IQCM: variants seen among roughly 807,000 people sequenced by gnomAD.
IQCM encodes the protein IQ motif containing M.
A neutral mutation model predicts 57.6 loss-of-function variants in IQCM; 45 were observed. That is an observed-to-expected ratio of 0.78 (90% CI 0.62 to 1.00). The LOEUF (loss-of-function observed/expected upper bound fraction) is 1.00. IQCM is among the 50% of genes least tolerant of loss of function. IQCM has a pLI of 0.00. For missense variants in IQCM, 468 were observed against 511.6 expected (o/e 0.91, Z 0.82); for synonymous variants, 148 against 158.9 (o/e 0.93, Z 0.51).
intron 2 of IQCM, among the ~76,000 whole-genome samples, chr4:149,755,321 A>T (rs1012156835): frequency 1.3e-5 from 2 of 152,150 alleles, no homozygotes; most frequent in African/African-American, 4.8e-5. Context: ...TAAATATAGA[A>T]GTCACCATGT....
intron 2 of IQCM, among the ~76,000 whole-genome samples, chr4:149,757,368 AAT>A (rs1491235932): frequency 1.3e-4 from 20 of 150,224 alleles, no homozygotes; most frequent in Admixed American, 4.1e-4. Flanking sequence ...AGTACAAAAA[AAT>A]AAACAGATTC....
At chr4:149,354,389 A>AAAAAAAC (rs1728811485) in intron 13 of IQCM, among the ~76,000 whole-genome samples, 1 of 143,780 alleles carries the variant, frequency 7.0e-6, no homozygotes, top group Non-Finnish European at 1.5e-5. Context: ...AAAAAAAAAA[A>AAAAAAAC]CTGACAAATT....
chr4:149,375,153 C>T (rs1357277984), intron 13 of IQCM, among the ~76,000 whole-genome samples: 1 of 152,050 alleles, frequency 6.6e-6, no homozygotes, highest in Non-Finnish European at 1.5e-5. Context: ...CAGCTGCAAA[C>T]TAAAATAAAT....
At chr4:149,487,200 T>A (rs1359450142) in intron 12 of IQCM, among the ~76,000 whole-genome samples, 1 of 152,070 alleles carries the variant, frequency 6.6e-6, no homozygotes, top group Non-Finnish European at 1.5e-5. Flanking sequence ...TCCCTTTTGG[T>A]CCAGGGTGTG....
At chr4:149,811,371 C>T (rs1774553720) in intron 2 of IQCM, among the ~76,000 whole-genome samples, 1 of 152,086 alleles carries the variant, frequency 6.6e-6, no homozygotes. Context: ...ATACATAGTA[C>T]TGTATGTTTG....
intron 2 of IQCM, among the ~76,000 whole-genome samples, chr4:149,788,842 A>G (rs1332639212): frequency 6.6e-6 from 1 of 152,240 alleles, no homozygotes; most frequent in Non-Finnish European, 1.5e-5. Context: ...TGTCATTTGT[A>G]GCAACATAGA....
intron 12 of IQCM, among the ~76,000 whole-genome samples, chr4:149,442,356 A>G (rs968227752): frequency 3.3e-5 from 5 of 152,038 alleles, no homozygotes; most frequent in Non-Finnish European, 5.9e-5. Flanking sequence ...TTTTTGTGCA[A>G]CAGTACTTCT....
Position 149,608,312 on chromosome 4 carries a change from T to C in IQCM, c.681+12817A>G, listed in dbSNP as rs182246714. Among the ~76,000 whole-genome samples the C allele has an allele frequency of 9.9e-5, 15 of 152,042 alleles. No individual in the cohort carries two copies. In the East Asian group the frequency reaches 2.7e-3, roughly 27 times the overall value. On this transcript the variant is annotated intron_variant, in intron 8 of 13. Coordinates refer to ENST00000636793, the MANE Select transcript of IQCM (RefSeq NM_001363507.2). ...ACAAATATAGACTCCAATATAATCA[T>C]AGCTGGGTACATCAACACTCCACTT...
At chr4:149,430,152 AT>A in intron 13 of IQCM, 1 of 489,356 alleles carries the variant, frequency 2.0e-6, no homozygotes, top group Non-Finnish European at 3.2e-6. Flanking sequence ...CCTCTAGGCT[AT>A]TATAGAACTG....
chr4:149,685,737 G>A (rs920244280), intron 6 of IQCM, among the ~76,000 whole-genome samples: 1 of 151,546 alleles, frequency 6.6e-6, no homozygotes, highest in African/African-American at 2.4e-5. Context: ...TTTACTGTCT[G>A]TAAGTATAAA....
intron 5 of IQCM, among the ~76,000 whole-genome samples, chr4:149,719,313 T>C (rs902061552): frequency 6.8e-6 from 1 of 147,552 alleles, no homozygotes; most frequent in African/African-American, 2.5e-5. Flanking sequence ...CATTGCACTC[T>C]AGCCTGGGCA....
chr4:149,607,814 AC>A (rs1287420321), intron 8 of IQCM, among the ~76,000 whole-genome samples: 1 of 151,990 alleles, frequency 6.6e-6, no homozygotes, highest in Non-Finnish European at 1.5e-5. Context: ...ACTAAAACAT[AC>A]TACCAAAGAA....
chr4:149,702,883 A>G (rs1364540093), intron 5 of IQCM, among the ~76,000 whole-genome samples: 3 of 151,928 alleles, frequency 2.0e-5, no homozygotes, highest in Non-Finnish European at 4.4e-5. Context: ...GAAACAAATA[A>G]TGACTAATTA....
At chr4:149,811,270 A>T (rs1774542789) in intron 2 of IQCM, among the ~76,000 whole-genome samples, 1 of 152,116 alleles carries the variant, frequency 6.6e-6, no homozygotes, top group African/African-American at 2.4e-5. Flanking sequence ...TTCCATCAAC[A>T]GAGTTTCCAA....
rs939354187 is a variant in IQCM at position 149,439,654 on chromosome 4, T to C, written c.1229-6097A>G. 2.0e-5 allele frequency among the ~76,000 whole-genome samples: 3 copies of C among 152,034 alleles called. No homozygotes were observed. The East Asian group carries it at 5.8e-4, about 29-fold the overall frequency. ...AAAGTGATTAATTTTAAGTACTCTA[T>C]TTTAAAAATATAAATATTTTTATCT... On this transcript the variant is annotated intron_variant, in intron 12 of 13. Transcript: ENST00000636793.
chr4:149,614,523 G>C (rs1755606689), intron 8 of IQCM, among the ~76,000 whole-genome samples: 1 of 152,008 alleles, frequency 6.6e-6, no homozygotes, highest in Admixed American at 6.6e-5. Flanking sequence ...TCTGGGGCTG[G>C]AACAATTTTC....
chr4:149,454,195 C>T (rs12646330), intron 12 of IQCM, among the ~76,000 whole-genome samples: 120,714 of 147,472 alleles, frequency 0.82, 49,790 homozygotes, highest in Non-Finnish European at 0.86. Flanking sequence ...CACACACACA[C>T]ATATAAACAC....
chr4:149,637,097 T>C (rs1367823058), intron 7 of IQCM, among the ~76,000 whole-genome samples: 1 of 142,898 alleles, frequency 7.0e-6, no homozygotes, highest in African/African-American at 2.6e-5. Flanking sequence ...GAGCCGAGAT[T>C]GCGCCACTGC....
intron 8 of IQCM, among the ~76,000 whole-genome samples, chr4:149,619,200 T>C (rs1015329257): frequency 6.6e-6 from 1 of 151,072 alleles, no homozygotes; most frequent in Non-Finnish European, 1.5e-5. Context: ...GTGGATGGAA[T>C]TGGAGGCCAT....
Sources: allele counts gnomAD v4.1 joint callset (sites outside exome capture counted in the v4.1 genomes callset), GRCh38; gene constraint gnomAD v4.1.1; transcripts MANE v1.5; gene names NCBI Gene and HGNC (gene_info 2026-07-23, HGNC 2026-07-21).